SLC22A16: variants seen among roughly 807,000 people sequenced by gnomAD.
The protein encoded by SLC22A16 is solute carrier family 22 member 16, also known as WUGSC:RG331P03.1.
In SLC22A16, 53 loss-of-function variants were observed where a neutral mutation model predicts 52.9. That is an observed-to-expected ratio of 1.00 (90% CI 0.80 to 1.26). The LOEUF is 1.26. Ranked by LOEUF, SLC22A16 falls within the 50% of genes most tolerant of loss-of-function variation. The pLI, the probability that SLC22A16 is intolerant of heterozygous loss-of-function variation, is 0.00. For missense variants in SLC22A16, 726 were observed against 704.0 expected, an observed-to-expected ratio of 1.03 and a Z score of -0.35; for synonymous variants, 291 against 268.8, an observed-to-expected ratio of 1.08 and a Z score of -0.81.
Position 110,424,692 on chromosome 6 carries a change from A to T in SLC22A16, c.*181T>A. ...TTGCAGCAATAAGAAAGCAGTTTTT[A>T]AAACTGAGAATTTTCATCTTAGTTT... On this transcript the variant is annotated 3_prime_UTR_variant, in exon 8 of 8. Coordinates refer to ENST00000368919, the MANE Select transcript of SLC22A16 (RefSeq NM_033125.4). 1 of 743,966 alleles carries T rather than the reference A, an allele frequency of 1.3e-6. No homozygotes were observed. Among genetic ancestry groups the T allele is most frequent in the Non-Finnish European group, 2.1e-6 (1 of 486,040 alleles). The allele number at this position is 743,966 out of a possible 1,614,324, so 46.1% of individuals were successfully genotyped here. A position where few individuals can be genotyped will look rare whatever the true frequency, so the allele number is the denominator to read the frequency against.
intron 1 of SLC22A16, among the ~76,000 whole-genome samples, chr6:110,471,560 CCT>C (rs1332860414): frequency 1.3e-5 from 2 of 152,234 alleles, no homozygotes; most frequent in Non-Finnish European, 2.9e-5. Context: ...AATCGACTAA[CCT>C]CTGTGACACA....
chr6:110,460,541 G>T (rs1408234499), intron 1 of SLC22A16, among the ~76,000 whole-genome samples: 1 of 152,040 alleles, frequency 6.6e-6, no homozygotes, highest in East Asian at 1.9e-4. Context: ...AATTGTGGGA[G>T]AGCCCCTCTG....
intron 6 of SLC22A16, among the ~76,000 whole-genome samples, chr6:110,432,308 T>G (rs143983528): frequency 1.6e-3 from 243 of 152,356 alleles, no homozygotes; most frequent in African/African-American, 5.6e-3. Flanking sequence ...TGGATTTTTT[T>G]GAGGTCATGT....
intron 4 of SLC22A16, among the ~76,000 whole-genome samples, chr6:110,440,887 G>T (rs1013159182): frequency 3.3e-5 from 5 of 152,240 alleles, no homozygotes; most frequent in African/African-American, 1.2e-4. Context: ...CGTGTCTGAA[G>T]AGGAGCTAGT....
chr6:110,448,149 C>T (rs1446195797), intron 2 of SLC22A16, among the ~76,000 whole-genome samples: 1 of 152,188 alleles, frequency 6.6e-6, no homozygotes, highest in Non-Finnish European at 1.5e-5. Context: ...CCACATTCTC[C>T]CCACTACTTG....
intron 7 of SLC22A16, among the ~76,000 whole-genome samples, chr6:110,428,926 A>C (rs924832199): frequency 1.3e-4 from 20 of 152,318 alleles, no homozygotes; most frequent in African/African-American, 4.6e-4. Context: ...TCTCAGAAGA[A>C]TAATAAAAAT....
intron 2 of SLC22A16, among the ~76,000 whole-genome samples, chr6:110,454,555 A>AATAT (rs1162822444): frequency 8.7e-6 from 1 of 114,558 alleles, no homozygotes; most frequent in African/African-American, 3.4e-5. Context: ...TGCTTTCACT[A>AATAT]ATATATATAT....
At chr6:110,461,496 A>T (rs1303186856) in intron 1 of SLC22A16, among the ~76,000 whole-genome samples, 1 of 152,162 alleles carries the variant, frequency 6.6e-6, no homozygotes, top group East Asian at 1.9e-4. Context: ...AGGGTGAGCT[A>T]GCTCTTCTTA....
At chr6:110,469,368 T>C (rs1459082574) in intron 1 of SLC22A16, among the ~76,000 whole-genome samples, 1 of 152,082 alleles carries the variant, frequency 6.6e-6, no homozygotes, top group African/African-American at 2.4e-5. Flanking sequence ...CTACTATAAA[T>C]GGTGAAACTC....
At chr6:110,464,043 A>G (rs1445780646) in intron 1 of SLC22A16, among the ~76,000 whole-genome samples, 1 of 152,140 alleles carries the variant, frequency 6.6e-6, no homozygotes, top group African/African-American at 2.4e-5. Context: ...CTCCTGAATG[A>G]CTTTTGGGTA....
rs758274726 is a variant in SLC22A16, at chr6:110,456,990, AC to A, written c.80del (p.Cys27LeufsTer32). On this transcript the variant is annotated frameshift_variant, in exon 2 of 8. Coordinates refer to ENST00000368919, the MANE Select transcript of SLC22A16 (RefSeq NM_033125.4). LOFTEE classifies it high-confidence loss of function. ...GRFQRVLYFI[C>X]AFQNISCGIH... ...TACCACAAGAGATGTTCTGGAAGGCACATATGAAATAGAGGACTCTCTGGAA... is the reference window on the plus strand; with the variant it reads ...TACCACAAGAGATGTTCTGGAAGGCAATATGAAATAGAGGACTCTCTGGAA... The A allele has an allele frequency of 6.4e-7, 1 of 1,553,828 alleles. No individual in the cohort carries two copies. The highest frequency in any genetic ancestry group is 8.7e-7 in the Non-Finnish European group (1 of 1,152,014).
chr6:110,456,920 C>T lies in SLC22A16; in HGVS notation c.151G>A (p.Val51Ile). The change falls in exon 2 of 8, where the codon GTC (valine) becomes ATC (isoleucine). Residue 51 changes from valine to isoleucine, a missense_variant. Val to Ile is a conservative substitution (Grantham distance 29). Transcript: ENST00000368919. ...CTCACATTGCCTGGGGGCCTGCAGA[C>T]ATGATGAGGGGTGACTCCCATGAAC... is the stretch of plus-strand genomic sequence containing the variant. The part of the protein sequence containing the change: ...SVFMGVTPHH[V>I]CRPPGNVSQV... 6.2e-7 allele frequency: 1 copy of T among 1,613,620 alleles called. No homozygotes were observed. Among genetic ancestry groups the T allele is most frequent in the South Asian group, 1.1e-5 (1 of 90,958 alleles).
intron 7 of SLC22A16, among the ~76,000 whole-genome samples, chr6:110,428,129 C>T (rs1221320679): frequency 6.6e-6 from 1 of 152,146 alleles, no homozygotes; most frequent in Non-Finnish European, 1.5e-5. Context: ...TTTCATGTGC[C>T]TCTTTTCAAA....
chr6:110,476,438 C>G (rs1776482667), intron 1 of SLC22A16, 84 bp downstream of exon 1: 2 of 1,408,002 alleles, frequency 1.4e-6, no homozygotes, highest in African/African-American at 1.5e-5. Flanking sequence ...TCGCGAGCGC[C>G]GCGCGAGAAC....
intron 1 of SLC22A16, among the ~76,000 whole-genome samples, chr6:110,472,235 A>T (rs1776284364): frequency 6.6e-6 from 1 of 152,094 alleles, no homozygotes; most frequent in Admixed American, 6.6e-5. Context: ...CTTCTCCTTC[A>T]TGCCTTAGGG....
At chr6:110,472,964 C>T (rs975273670) in intron 1 of SLC22A16, among the ~76,000 whole-genome samples, 3 of 152,178 alleles carry the variant, frequency 2.0e-5, no homozygotes, top group Admixed American at 6.5e-5. Flanking sequence ...TCCATCATGG[C>T]TAAGAGCATG....
chr6:110,434,671 G>C (rs1774647728), intron 6 of SLC22A16, among the ~76,000 whole-genome samples: 1 of 152,170 alleles, frequency 6.6e-6, no homozygotes, highest in Non-Finnish European at 1.5e-5. Flanking sequence ...AGAGTCACCT[G>C]CAGACTTGTT....
In SLC22A16 at chr6:110,456,849, G is replaced by T. The variant is rs538642389; in HGVS notation, c.222C>A (p.Thr74=). The T allele has an allele frequency of 6.2e-7, 1 of 1,614,032 alleles. No homozygotes were observed. The highest frequency in any genetic ancestry group is 8.5e-7 in the Non-Finnish European group (1 of 1,179,974). Residue 74 remains threonine (T), a synonymous_variant, in exon 2 of 8, where the codon ACC becomes ACA. Transcript: ENST00000368919. ...HNHSNWSLED[T]GALLSSGQKD... ...TCTGGCCTGAAGACAACAGGGCCCC[G>T]GTGTCCTCCAAACTCCAATTAGAGT...
At chr6:110,454,272 A>G (rs1480470787) in intron 2 of SLC22A16, among the ~76,000 whole-genome samples, 3 of 152,142 alleles carry the variant, frequency 2.0e-5, no homozygotes, top group Admixed American at 1.3e-4. Flanking sequence ...ACATCCAGCA[A>G]GAAGTATAGA....
Sources: allele counts gnomAD v4.1 joint callset (sites outside exome capture counted in the v4.1 genomes callset), GRCh38; gene constraint gnomAD v4.1.1; transcripts MANE v1.5; gene names NCBI Gene and HGNC (gene_info 2026-07-23, HGNC 2026-07-21).